Variants in HS3ST3A1 observed in about 807,000 individuals in gnomAD.
HS3ST3A1 encodes heparan sulfate glucosamine 3-O-sulfotransferase 3A1.
HS3ST3A1 carries 19 observed loss-of-function variants against 25.7 expected under a neutral mutation model. The observed-to-expected ratio is 0.74, with a 90% confidence interval of 0.52 to 1.08. The LOEUF (loss-of-function observed/expected upper bound fraction) is 1.08. Ranked by LOEUF, HS3ST3A1 falls within the 50% of genes least tolerant of loss-of-function variation. The probability of loss-of-function intolerance (pLI) is 0.00; values close to 1 mark genes in which losing one functional copy is unlikely to be tolerated. For synonymous variants in HS3ST3A1, 226 were observed against 278.6 expected (o/e 0.81, Z 1.88); for missense variants, 459 against 594.3 (o/e 0.77, Z 2.37).
intron 1 of HS3ST3A1, among the ~76,000 whole-genome samples, chr17:13,522,933 A>C (rs963679237): frequency 2.2e-4 from 33 of 151,970 alleles, no homozygotes; most frequent in Admixed American, 1.2e-3. Context: ...GTTTGTGGTA[A>C]CCATAGAACA....
At chr17:13,594,648 AT>A (rs986108778) in intron 1 of HS3ST3A1, among the ~76,000 whole-genome samples, 2 of 152,184 alleles carry the variant, frequency 1.3e-5, no homozygotes, top group Non-Finnish European at 2.9e-5. Flanking sequence ...AGTCATAGGC[AT>A]TTTTAATATA....
chr17:13,561,388 C>CTTT (rs569977802), intron 1 of HS3ST3A1, among the ~76,000 whole-genome samples: 7 of 139,938 alleles, frequency 5.0e-5, no homozygotes, highest in Admixed American at 2.2e-4. Context: ...CCAGATCATT[C>CTTT]TTTTTTTTTT....
chr17:13,573,045 T>C (rs1021495497), intron 1 of HS3ST3A1, among the ~76,000 whole-genome samples: 3 of 152,174 alleles, frequency 2.0e-5, no homozygotes, highest in Admixed American at 2.0e-4. Flanking sequence ...TTTCCACTGA[T>C]GTCTGGATTT....
rs374346320 is a variant in HS3ST3A1 at position 13,496,289 on chromosome 17, G to C, written c.1129C>G (p.Arg377Gly). Residue 377 changes from arginine (R) to glycine (G), a missense_variant, in exon 2 of 2, where the codon CGC becomes GGC. This residue lies in a region of HS3ST3A1 where 46 missense variants were observed against 59.0 expected (regional missense o/e 0.78). Coordinates refer to ENST00000284110, the MANE Select transcript of HS3ST3A1 (RefSeq NM_006042.3). ...TKGRTHPEIDREVVRRLREFY... is the reference protein window; with the variant it reads ...TKGRTHPEIDGEVVRRLREFY... Reference sequence around the variant, plus strand: ...TCGCGCAGCCTGCGCACCACCTCGCGGTCGATCTCAGGATGGGTCCTGCCC... The same window carrying C: ...TCGCGCAGCCTGCGCACCACCTCGCCGTCGATCTCAGGATGGGTCCTGCCC... 8.4e-6 allele frequency: 13 copies of C among 1,548,132 alleles called. No individual in the cohort carries two copies. The African/African-American group carries it at 1.5e-4, about 18-fold the overall frequency.
chr17:13,569,332 GAA>G (rs1421139067), intron 1 of HS3ST3A1, among the ~76,000 whole-genome samples: 1 of 152,198 alleles, frequency 6.6e-6, no homozygotes, highest in Non-Finnish European at 1.5e-5. Context: ...TGGGTGGAAA[GAA>G]GAGAGAAGTA....
At chr17:13,543,616 T>A (rs1906998746) in intron 1 of HS3ST3A1, 1 of 164,432 alleles carries the variant, frequency 6.1e-6, no homozygotes, top group African/African-American at 2.4e-5. Context: ...CGCGATTACT[T>A]TTGCACCAAC....
intron 1 of HS3ST3A1, among the ~76,000 whole-genome samples, chr17:13,565,523 C>A (rs1212331454): frequency 1.3e-5 from 2 of 149,586 alleles, no homozygotes; most frequent in Non-Finnish European, 3.0e-5. Flanking sequence ...CAGAGTGAGA[C>A]CCTGTCTCAA....
chr17:13,530,712 T>C lies in HS3ST3A1; in HGVS notation c.600-33894A>G, dbSNP rs150970323. ...TCCTGAATCATGGCCTTTCTCTGCTTTATCCTCCCCATGGCCACAGTCAGC... is the reference window on the plus strand; with the variant it reads ...TCCTGAATCATGGCCTTTCTCTGCTCTATCCTCCCCATGGCCACAGTCAGC... On this transcript the variant is annotated intron_variant, in intron 1 of 1. Transcript: ENST00000284110. Among the ~76,000 whole-genome samples the C allele has an allele frequency of 6.2e-4, 95 of 152,306 alleles. 2 individuals carry two copies. Among genetic ancestry groups the C allele is most frequent in the Middle Eastern group, 6.8e-3 (2 of 294 alleles).
chr17:13,529,568 A>G (rs1906538354), intron 1 of HS3ST3A1, among the ~76,000 whole-genome samples: 1 of 152,212 alleles, frequency 6.6e-6, no homozygotes, highest in Non-Finnish European at 1.5e-5. Context: ...GACAAATCCC[A>G]TTTGACTTTT....
At chr17:13,510,010 T>C (rs767268770) in intron 1 of HS3ST3A1, among the ~76,000 whole-genome samples, 6 of 152,198 alleles carry the variant, frequency 3.9e-5, no homozygotes, top group Admixed American at 1.3e-4. Context: ...TTCTGAACTG[T>C]GAAAGTTACA....
At chr17:13,536,187 G>A (rs1372523176) in intron 1 of HS3ST3A1, among the ~76,000 whole-genome samples, 10 of 152,112 alleles carry the variant, frequency 6.6e-5, no homozygotes, top group Admixed American at 5.9e-4. Flanking sequence ...TTGAAAGAAG[G>A]CATTTTGGTT....
intron 1 of HS3ST3A1, among the ~76,000 whole-genome samples, chr17:13,537,066 A>G (rs1307693412): frequency 1.3e-5 from 2 of 152,170 alleles, no homozygotes; most frequent in African/African-American, 4.8e-5. Flanking sequence ...TATGGTGTCA[A>G]CTTTGTGCTT....
At chr17:13,511,074 G>A (rs1014006046) in intron 1 of HS3ST3A1, among the ~76,000 whole-genome samples, 2 of 152,132 alleles carry the variant, frequency 1.3e-5, no homozygotes, top group Non-Finnish European at 2.9e-5. Context: ...GCTGTACCAC[G>A]TACCACTACG....
At chr17:13,510,634 G>T (rs997824708) in intron 1 of HS3ST3A1, among the ~76,000 whole-genome samples, 2 of 152,114 alleles carry the variant, frequency 1.3e-5, no homozygotes, top group African/African-American at 4.8e-5. Context: ...GCAGGAGTCT[G>T]GGGTCTTGAA....
chr17:13,584,637 CAA>C (rs1908204816), intron 1 of HS3ST3A1, among the ~76,000 whole-genome samples: 1 of 151,370 alleles, frequency 6.6e-6, no homozygotes, highest in Non-Finnish European at 1.5e-5. Flanking sequence ...ATTAAAAAAA[CAA>C]TTAATCATGC....
intron 1 of HS3ST3A1, among the ~76,000 whole-genome samples, chr17:13,503,411 C>A (rs536112096): frequency 1.3e-5 from 2 of 152,196 alleles, no homozygotes; most frequent in East Asian, 3.9e-4. Context: ...ATATTTTCAA[C>A]AAGCTAGAAG....
chr17:13,538,770 C>T (rs781279461), intron 1 of HS3ST3A1, among the ~76,000 whole-genome samples: 8 of 151,894 alleles, frequency 5.3e-5, no homozygotes, highest in Non-Finnish European at 7.4e-5. Flanking sequence ...TCAGGGGACA[C>T]GAAAGCAGGA....
intron 1 of HS3ST3A1, among the ~76,000 whole-genome samples, chr17:13,522,422 A>G (rs1308110064): frequency 6.6e-6 from 1 of 152,126 alleles, no homozygotes; most frequent in Non-Finnish European, 1.5e-5. Flanking sequence ...ACTAATGGGC[A>G]CTTTGTTTTC....
At chr17:13,545,614 G>C (rs1290383856) in intron 1 of HS3ST3A1, among the ~76,000 whole-genome samples, 1 of 152,164 alleles carries the variant, frequency 6.6e-6, no homozygotes, top group Non-Finnish European at 1.5e-5. Context: ...GCTGATCCTG[G>C]AGCTGCGGCT....
Sources: allele counts gnomAD v4.1 joint callset (sites outside exome capture counted in the v4.1 genomes callset), GRCh38; gene constraint gnomAD v4.1.1; regional missense constraint gnomAD v4.1.1; transcripts MANE v1.5; gene names NCBI Gene and HGNC (gene_info 2026-07-23, HGNC 2026-07-21).